The following CLN8 variants were observed in gnomAD, a reference collection of about 807,000 sequenced individuals.
CLN8 encodes the protein CLN8 transmembrane ER and ERGIC protein, also known as protein CLN8.
Under a neutral mutation model 15.7 loss-of-function variants are expected in CLN8, and 14 were observed. The observed-to-expected ratio is 0.89, with a 90% CI of 0.59 to 1.39. The LOEUF (loss-of-function observed/expected upper bound fraction) is 1.39. Ranked by LOEUF, CLN8 falls within the 40% of genes most tolerant of loss-of-function variation. CLN8 has a pLI of 0.00. For synonymous variants in CLN8, 188 were observed against 151.0 expected (o/e 1.25, Z -1.80); for missense variants, 415 against 364.0 (o/e 1.14, Z -1.14).
In CLN8 at chr8:1,776,356, G is replaced by A. The variant is rs540510899; in HGVS notation, c.544-3894G>A. Among the ~76,000 whole-genome samples the A allele has an allele frequency of 1.7e-3, 260 of 152,248 alleles. 4 individuals are homozygous for A. Among genetic ancestry groups the A allele is most frequent in the African/African-American group, 6.0e-3 (251 of 41,530 alleles). On this transcript the variant is annotated intron_variant, in intron 2 of 2. Coordinates refer to ENST00000331222, the MANE Select transcript of CLN8 (RefSeq NM_018941.4). ...TCTGTGAGGGTTGGGTATGCATGTG[G>A]CCCCGCTCCTGTACACACACATGTG...
intron 2 of CLN8, among the ~76,000 whole-genome samples, chr8:1,775,178 G>A (rs914993024): frequency 2.3e-4 from 35 of 152,150 alleles, no homozygotes; most frequent in Non-Finnish European, 4.4e-5. Flanking sequence ...CCAATAAAAT[G>A]TAACAATTTT....
At chr8:1,760,255 C>G (rs534975380), upstream of CLN8, 2 of 152,258 alleles carry the variant, frequency 1.3e-5, no homozygotes, top group East Asian at 3.9e-4. Context: ...ACCAGTTTAT[C>G]AAAGTGCTTA....
chr8:1,761,685 T>A (rs1016652023), upstream of CLN8, among the ~76,000 whole-genome samples: 8 of 152,316 alleles, frequency 5.3e-5, no homozygotes, highest in East Asian at 1.5e-3. Context: ...CTGGGAGCAC[T>A]GAGGGGTCAG....
chr8:1,777,525 T>C (rs979023470), intron 2 of CLN8, among the ~76,000 whole-genome samples: 3 of 152,244 alleles, frequency 2.0e-5, no homozygotes, highest in African/African-American at 4.8e-5. Flanking sequence ...TCCACTCTTT[T>C]GTAATAACAC....
chr8:1,776,565 T>C (rs1243630233), intron 2 of CLN8, among the ~76,000 whole-genome samples: 1 of 152,206 alleles, frequency 6.6e-6, no homozygotes, highest in Non-Finnish European at 1.5e-5. Flanking sequence ...CTGGACTCTG[T>C]GAGGGGCGCA....
At chr8:1,767,570 T>C (rs1002932363) in intron 1 of CLN8, among the ~76,000 whole-genome samples, 3 of 131,860 alleles carry the variant, frequency 2.3e-5, no homozygotes, top group African/African-American at 5.9e-5. Context: ...TCTTTCTTTT[T>C]TTTTTTTTTT....
chr8:1,785,965 G>C lies in CLN8; in HGVS notation c.*5398G>C, dbSNP rs1039137545. On this transcript the variant is annotated 3_prime_UTR_variant, in exon 3 of 3. Transcript: ENST00000331222. ...AGGGCAGAGTCCCAGGTGTCAGCTG[G>C]TGGGTCTCCCAGGAGCTGCCCCTCC... 5.2e-5 allele frequency: 8 copies of C among 153,228 alleles called. No homozygotes were observed. Among genetic ancestry groups the C allele is most frequent in the African/African-American group, 1.9e-4 (8 of 41,470 alleles). The allele number at this position is 153,228 out of a possible 1,614,324, so 9.5% of individuals were successfully genotyped here.
upstream of CLN8, chr8:1,763,431 G>C (rs1275762685): frequency 1.2e-3 from 19 of 15,528 alleles, 2 homozygotes; most frequent in Non-Finnish European, 1.6e-3. Context: ...GCCCCCCGCC[G>C]CGCCCCGCCC....
At chr8:1,758,737 A>G (rs1031859689) in intron 1 of CLN8, 1 of 152,208 alleles carries the variant, frequency 6.6e-6, no homozygotes, top group Admixed American at 6.5e-5. Flanking sequence ...TCTGATGGGC[A>G]ATTAATTGAA....
chr8:1,773,066 C>A, intron 2 of CLN8: 1 of 397,392 alleles, frequency 2.5e-6, no homozygotes, highest in Non-Finnish European at 4.4e-6. Flanking sequence ...ACCATGGACA[C>A]CAGCCGGGTG....
At chr8:1,780,092 A>G (rs1801661998) in intron 2 of CLN8, 158 bp from the exon 3 acceptor site, 1 of 985,348 alleles carries the variant, frequency 1.0e-6, no homozygotes, top group African/African-American at 1.7e-5. Context: ...TTTCAGAATG[A>G]AGTCCCAATG....
intron 1 of CLN8, among the ~76,000 whole-genome samples, chr8:1,765,826 T>C (rs1801029456): frequency 6.6e-6 from 1 of 152,170 alleles, no homozygotes; most frequent in South Asian, 2.1e-4. Flanking sequence ...CCACAATCAG[T>C]GGTAAATAGT....
intron 1 of CLN8, among the ~76,000 whole-genome samples, chr8:1,769,050 C>G (rs1381740068): frequency 6.6e-6 from 1 of 152,178 alleles, no homozygotes; most frequent in Non-Finnish European, 1.5e-5. Context: ...AGCCGTTTCT[C>G]TAGGGAGAAA....
chr8:1,776,619 C>T (rs1409931422), intron 2 of CLN8, among the ~76,000 whole-genome samples: 2 of 152,234 alleles, frequency 1.3e-5, no homozygotes, highest in East Asian at 1.9e-4. Flanking sequence ...GCAGAAGGAG[C>T]ATTGTCTTTC....
At chr8:1,770,393 T>C (rs1801251555) in intron 1 of CLN8, among the ~76,000 whole-genome samples, 1 of 152,236 alleles carries the variant, frequency 6.6e-6, no homozygotes, top group South Asian at 2.1e-4. Context: ...ATAATCACAT[T>C]CTGCAGAGTG....
chr8:1,755,910 G>A (rs1018563078), exon 1 of CLN8: 3 of 152,170 alleles, frequency 2.0e-5, no homozygotes, highest in East Asian at 3.9e-4. Context: ...ATCCCATCAC[G>A]ACCGTGTGGG....
At position 1,781,320 on chromosome 8, in the gene CLN8, T is replaced by G. The variant is rs1460854729; in HGVS notation, c.*753T>G. On this transcript the variant is annotated 3_prime_UTR_variant, in exon 3 of 3. Coordinates refer to ENST00000331222, the MANE Select transcript of CLN8 (RefSeq NM_018941.4). ...TTGCAGTGAGCTGAGATCGCACCAC[T>G]GCACTCCAGCACTCCAGCCTGGGTG... 6.8e-6 allele frequency: 1 copy of G among 147,150 alleles called. No homozygotes were observed. 9.1% of individuals were successfully genotyped at this position (147,150 alleles called of 1,614,324 possible). A position where few individuals can be genotyped will look rare whatever the true frequency, so the allele number is the denominator to read the frequency against.
At chr8:1,779,074 A>G (rs1025803638) in intron 2 of CLN8, among the ~76,000 whole-genome samples, 9 of 152,194 alleles carry the variant, frequency 5.9e-5, no homozygotes, top group Non-Finnish European at 1.0e-4. Flanking sequence ...AGTTGAAACA[A>G]TGGTTGTGTG....
At chr8:1,772,590 C>T (rs1029284621) in intron 2 of CLN8, among the ~76,000 whole-genome samples, 1 of 152,048 alleles carries the variant, frequency 6.6e-6, no homozygotes, top group Non-Finnish European at 1.5e-5. Context: ...TCCCAAGTAG[C>T]TGGGATTACA....
Sources: gnomAD v4.1 joint callset for allele counts (sites outside exome capture counted in the v4.1 genomes callset) on GRCh38, gnomAD v4.1.1 for gene constraint, MANE v1.5 for transcripts, NCBI Gene and HGNC (gene_info 2026-07-23, HGNC 2026-07-21) for gene names.